BMAL2: variants seen among roughly 807,000 people sequenced by gnomAD.
BMAL2 encodes the protein basic helix-loop-helix ARNT like 2.
the BMAL2 span, among the ~76,000 whole-genome samples, chr12:27,406,046 G>A: frequency 1.2e-4 from 18 of 152,020 alleles, no homozygotes; most frequent in African/African-American, 4.4e-4. Flanking sequence ...TTAGAGAAAA[G>A]AGAATAAAAA....
chr12:27,411,154 G>A, the BMAL2 span, among the ~76,000 whole-genome samples: 1 of 151,876 alleles, frequency 6.6e-6, no homozygotes, highest in Non-Finnish European at 1.5e-5. Flanking sequence ...TTGAGGCAGG[G>A]TCTTGCTCTA....
At chr12:27,412,002 T>C in the BMAL2 span, among the ~76,000 whole-genome samples, 1 of 152,212 alleles carries the variant, frequency 6.6e-6, no homozygotes, top group African/African-American at 2.4e-5. Context: ...GTTTAGTCTT[T>C]GATCTACTTT....
the BMAL2 span, among the ~76,000 whole-genome samples, chr12:27,394,779 T>C: frequency 3.9e-5 from 6 of 152,330 alleles, no homozygotes; most frequent in Non-Finnish European, 8.8e-5. Context: ...ATAATTAGGT[T>C]TGGATGAGGT....
the BMAL2 span, chr12:27,403,688 A>G: frequency 3.1e-4 from 145 of 461,112 alleles, no homozygotes; most frequent in Non-Finnish European, 5.1e-4. Flanking sequence ...CAACAAAAAG[A>G]TATAAATTTT....
the BMAL2 span, chr12:27,418,022 A>G: frequency 1.0e-6 from 1 of 1,002,038 alleles, no homozygotes; most frequent in Non-Finnish European, 1.4e-6. Flanking sequence ...AGTAAAAATA[A>G]ATAAATAAAG....
At chr12:27,394,943 C>T in the BMAL2 span, among the ~76,000 whole-genome samples, 1 of 152,230 alleles carries the variant, frequency 6.6e-6, no homozygotes, top group Non-Finnish European at 1.5e-5. Context: ...ACAGCCCTCA[C>T]CAGAACCCAG....
chr12:27,358,813 A>G, the BMAL2 span, among the ~76,000 whole-genome samples: 2 of 152,160 alleles, frequency 1.3e-5, no homozygotes, highest in African/African-American at 2.4e-5. Context: ...ACTTTTTAAG[A>G]TATCTACCAC....
the BMAL2 span, among the ~76,000 whole-genome samples, chr12:27,392,925 C>T: frequency 6.6e-6 from 1 of 152,168 alleles, no homozygotes; most frequent in East Asian, 1.9e-4. Flanking sequence ...CCTGATTTCG[C>T]CCTCTGCCCC....
the BMAL2 span, among the ~76,000 whole-genome samples, chr12:27,354,181 T>G: frequency 1.3e-5 from 2 of 152,194 alleles, no homozygotes; most frequent in Non-Finnish European, 2.9e-5. Flanking sequence ...TGCTCATCAG[T>G]GGCGGACTGG....
chr12:27,343,499 C>T, the BMAL2 span, among the ~76,000 whole-genome samples: 9 of 152,126 alleles, frequency 5.9e-5, no homozygotes, highest in Admixed American at 3.3e-4. Context: ...TAATGGCCTA[C>T]ATTGTGTCTA....
the BMAL2 span, among the ~76,000 whole-genome samples, chr12:27,408,234 C>T: frequency 1.4e-4 from 22 of 152,300 alleles, no homozygotes; most frequent in African/African-American, 5.3e-4. Context: ...TCCTCCCTAA[C>T]TAATTTTATG....
At chr12:27,420,046 C>CACACACACACAA in the BMAL2 span, among the ~76,000 whole-genome samples, 1 of 151,800 alleles carries the variant, frequency 6.6e-6, no homozygotes, top group African/African-American at 2.4e-5. Flanking sequence ...CACACACACA[C>CACACACACACAA]ACAAACATAC....
chr12:27,390,257 C>T, the BMAL2 span: 1 of 1,609,868 alleles, frequency 6.2e-7, no homozygotes, highest in Non-Finnish European at 8.5e-7. Context: ...TTTGAAATGT[C>T]AAGTGATGCA....
the BMAL2 span, chr12:27,400,557 C>T: frequency 1.2e-6 from 2 of 1,612,458 alleles, no homozygotes; most frequent in Admixed American, 1.7e-5. Flanking sequence ...CTATACTATC[C>T]ATTGCACTGG....
the BMAL2 span, chr12:27,370,259 C>T: frequency 2.0e-6 from 3 of 1,522,586 alleles, no homozygotes; most frequent in Non-Finnish European, 2.7e-6. Flanking sequence ...TTGACATACT[C>T]TCTCCCCTAC....
At chr12:27,370,156 G>T in the BMAL2 span, 1 of 1,614,006 alleles carries the variant, frequency 6.2e-7, no homozygotes, top group Non-Finnish European at 8.5e-7. Context: ...AAAAAGTGGT[G>T]GAAAAGCTTT....
At chr12:27,390,080 C>T in the BMAL2 span, 13 of 1,611,634 alleles carry the variant, frequency 8.1e-6, no homozygotes, top group African/African-American at 1.1e-4. Flanking sequence ...TTCTCTCGCC[C>T]CCTTCTGCAC....
chr12:27,376,898 G>T, the BMAL2 span, among the ~76,000 whole-genome samples: 1 of 150,536 alleles, frequency 6.6e-6, no homozygotes, highest in Non-Finnish European at 1.5e-5. Flanking sequence ...TACTCGGGGG[G>T]ACTGAGGCAG....
the BMAL2 span, among the ~76,000 whole-genome samples, chr12:27,375,823 A>G: frequency 6.6e-6 from 1 of 152,202 alleles, no homozygotes; most frequent in African/African-American, 2.4e-5. Context: ...TAGGAACTAT[A>G]CTAATGTGAA....
Sources: allele counts gnomAD v4.1 joint callset (sites outside exome capture counted in the v4.1 genomes callset), GRCh38; gene constraint gnomAD v4.1.1; transcripts MANE v1.5; gene names NCBI Gene and HGNC (gene_info 2026-07-23, HGNC 2026-07-21).